ARID4A: variants seen among roughly 807,000 people sequenced by gnomAD.
ARID4A encodes the protein AT-rich interactive domain-containing protein 4A.
In ARID4A, 39 loss-of-function variants were observed where a neutral mutation model predicts 148.6. The observed-to-expected ratio is 0.26, with a 90% confidence interval of 0.20 to 0.34. ARID4A has a LOEUF of 0.34. Ranked by LOEUF, ARID4A falls within the 10% of genes least tolerant of loss-of-function variation. The pLI, the probability that ARID4A is intolerant of heterozygous loss-of-function variation, is 1.00. For missense variants in ARID4A, 1,265 were observed against 1,449.1 expected, an observed-to-expected ratio of 0.87 and a Z score of 2.06; for synonymous variants, 475 against 481.2, an observed-to-expected ratio of 0.99 and a Z score of 0.17.
intron 16 of ARID4A, chr14:58,351,571 A>T: frequency 3.0e-6 from 1 of 336,188 alleles, no homozygotes; most frequent in Non-Finnish European, 5.4e-6. Context: ...TGCGCCACCC[A>T]GTCAAAAGAA....
chr14:58,321,166 G>C (rs1490536008), intron 7 of ARID4A, among the ~76,000 whole-genome samples: 2 of 152,152 alleles, frequency 1.3e-5, no homozygotes, highest in Non-Finnish European at 2.9e-5. Context: ...TGTAAAATCT[G>C]TGTGGAGATA....
At chr14:58,347,234 A>G in intron 14 of ARID4A, 117 bp downstream of exon 14, 1 of 546,242 alleles carries the variant, frequency 1.8e-6, no homozygotes, top group Non-Finnish European at 2.9e-6. Flanking sequence ...AGTATATAAA[A>G]AGGTTTAGGT....
At chr14:58,361,243 AT>A (rs562275733) in intron 19 of ARID4A, 12,580 of 342,666 alleles carry the variant, frequency 0.037, 85 homozygotes, top group African/African-American at 0.066. Flanking sequence ...TTGGTTTTTG[AT>A]TTTTTTTTTT....
At chr14:58,333,354 CATTT>C (rs10547379) in intron 11 of ARID4A, among the ~76,000 whole-genome samples, 2,291 of 152,016 alleles carry the variant, frequency 0.015, 57 homozygotes, top group African/African-American at 0.053. Flanking sequence ...ATCAATTATT[CATTT>C]ATTCCTGATT....
intron 5 of ARID4A, among the ~76,000 whole-genome samples, chr14:58,311,130 C>T (rs1231652814): frequency 6.6e-6 from 1 of 152,066 alleles, no homozygotes; most frequent in African/African-American, 2.4e-5. Context: ...CCTGTAATCC[C>T]AGCTACTTGG....
chr14:58,330,092 A>G lies in ARID4A; in HGVS notation c.829A>G (p.Ser277Gly). Residue 277 changes from serine (S) to glycine (G), a missense_variant, in exon 11 of 24, where the codon AGT (serine) becomes GGT (glycine). Ser to Gly is a moderately conservative substitution (Grantham distance 56). This residue lies in a region of ARID4A where 249 missense variants were observed against 277.2 expected (regional missense o/e 0.90). Transcript: ENST00000355431. Reference protein sequence around the residue: ...DISEILESSSSDDEDGPAEEN... With the variant: ...DISEILESSSGDDEDGPAEEN... Reference sequence around the variant, plus strand: ...AAGTGAAATCCTTGAGTCATCCAGTAGTGATGATGAAGATGGCCCAGCTGA... The same window carrying G: ...AAGTGAAATCCTTGAGTCATCCAGTGGTGATGATGAAGATGGCCCAGCTGA... 6.2e-7 allele frequency: 1 copy of G among 1,613,640 alleles called. No homozygotes were observed. The highest frequency in any genetic ancestry group is 1.1e-5 in the South Asian group (1 of 90,980).
intron 8 of ARID4A, among the ~76,000 whole-genome samples, chr14:58,326,835 T>TC (rs2033242185): frequency 1.3e-5 from 2 of 152,212 alleles, no homozygotes; most frequent in Non-Finnish European, 2.9e-5. Context: ...AGGTGAAATC[T>TC]TCCTCCTTGA....
rs190963641 is a variant in ARID4A, at chr14:58,315,534, G to A, written c.275-3008G>A. Among the ~76,000 whole-genome samples, 334 of 152,260 alleles carry A rather than the reference G, an allele frequency of 2.2e-3. 1 individual carries two copies. Among genetic ancestry groups the A allele is most frequent in the African/African-American group, 7.9e-3 (328 of 41,552 alleles). On this transcript the variant is annotated intron_variant, in intron 5 of 23. Coordinates refer to ENST00000355431, the MANE Select transcript of ARID4A (RefSeq NM_002892.4). ...TTTTCATACCTCCATTTAAATGTGT[G>A]TGTGTGTCTAGTATCGTCATCTTTG...
chr14:58,304,909 G>A (rs1187682795), intron 3 of ARID4A, 35 bp from the exon 4 acceptor site: 1 of 1,541,326 alleles, frequency 6.5e-7, no homozygotes, highest in Non-Finnish European at 8.9e-7. Context: ...TGTTTTAAAA[G>A]TAATATGCAA....
At chr14:58,333,748 T>C (rs1371823537) in intron 11 of ARID4A, among the ~76,000 whole-genome samples, 1 of 152,164 alleles carries the variant, frequency 6.6e-6, no homozygotes, top group Non-Finnish European at 1.5e-5. Context: ...TTATGCCTTG[T>C]AGATTGTAAA....
rs1237743643 is a variant in ARID4A, at chr14:58,364,652, T to C, written c.2563T>C (p.Leu855=). 1 of 1,613,854 alleles carries C rather than the reference T, an allele frequency of 6.2e-7. No individual in the cohort carries two copies. Among genetic ancestry groups the C allele is most frequent in the Non-Finnish European group, 8.5e-7 (1 of 1,179,940 alleles). ...EIDQCVKEKK[L]KRKILGQSSP... is the part of the protein sequence containing the mutation. Reference sequence around the variant, plus strand: ...TGACCAATGTGTGAAAGAAAAGAAGTTGAAACGGAAAATACTAGGACAATC... The same window carrying C: ...TGACCAATGTGTGAAAGAAAAGAAGCTGAAACGGAAAATACTAGGACAATC... The change falls in exon 20 of 24, where the codon TTG becomes CTG. Residue 855 remains leucine (L), a synonymous_variant. Coordinates refer to ENST00000355431, the MANE Select transcript of ARID4A (RefSeq NM_002892.4).
At chr14:58,360,796 TA>T in intron 18 of ARID4A, 104 bp from the exon 19 acceptor site, 1 of 1,226,082 alleles carries the variant, frequency 8.2e-7, no homozygotes, top group Non-Finnish European at 1.1e-6. Flanking sequence ...AAGTGACATA[TA>T]AAATATCAAA....
At chr14:58,359,084 A>G in intron 17 of ARID4A, 48 bp from the exon 18 acceptor site, 1 of 1,524,740 alleles carries the variant, frequency 6.6e-7, no homozygotes. Context: ...AAAAGGTTAT[A>G]ATGTATAAAG....
intron 8 of ARID4A, among the ~76,000 whole-genome samples, chr14:58,327,908 A>G (rs1566687166): frequency 6.6e-6 from 1 of 152,122 alleles, no homozygotes; most frequent in Non-Finnish European, 1.5e-5. Context: ...CCTGAGCTCA[A>G]GCCATTTGTC....
chr14:58,342,912 T>TAA (rs748069081), intron 11 of ARID4A, among the ~76,000 whole-genome samples: 3 of 145,694 alleles, frequency 2.1e-5, no homozygotes, highest in Admixed American at 6.9e-5. Context: ...ACTCTGTCTT[T>TAA]AAAAAAAAAA....
rs146520571 is a variant in ARID4A, at chr14:58,372,692, T to A, written c.*703T>A. 2.9e-4 allele frequency: 54 copies of A among 187,362 alleles called. 1 individual carries two copies. The East Asian group carries it at 4.6e-3, about 16-fold the overall frequency. 11.6% of individuals were successfully genotyped at this position (187,362 alleles called of 1,614,324 possible). ...GTGAATAAGTTTTCAGTGGACTATC[T>A]TATCCCTTGACAAAAATATTTTGTC... On this transcript the variant is annotated 3_prime_UTR_variant, in exon 24 of 24. Coordinates refer to ENST00000355431, the MANE Select transcript of ARID4A (RefSeq NM_002892.4).
chr14:58,335,382 C>T lies in ARID4A; in HGVS notation c.906+5213C>T, dbSNP rs182693319. On this transcript the variant is annotated intron_variant, in intron 11 of 23. Transcript: ENST00000355431. ...AGGCTGGAGTGCAATGGCGTGATCT[C>T]GGCTCACCACAACCTCCGCCTCCTG... Among the ~76,000 whole-genome samples the T allele has an allele frequency of 7.1e-4, 106 of 149,734 alleles. 1 individual carries two copies. Among genetic ancestry groups the T allele is most frequent in the Middle Eastern group, 6.9e-3 (2 of 290 alleles).
intron 19 of ARID4A, among the ~76,000 whole-genome samples, chr14:58,363,871 C>CT (rs1438211893): frequency 1.3e-5 from 2 of 151,984 alleles, no homozygotes; most frequent in African/African-American, 2.4e-5. Flanking sequence ...ATCTTTTGAT[C>CT]TTTTTTAAGG....
At chr14:58,354,380 T>G (rs754738830) in intron 17 of ARID4A, among the ~76,000 whole-genome samples, 10 of 152,020 alleles carry the variant, frequency 6.6e-5, no homozygotes, top group Non-Finnish European at 1.2e-4. Context: ...CGTTAGATGA[T>G]TTTGGGGAGG....
Sources: gnomAD v4.1 joint callset for allele counts (sites outside exome capture counted in the v4.1 genomes callset) on GRCh38, gnomAD v4.1.1 for gene constraint, gnomAD v4.1.1 regional missense constraint, MANE v1.5 for transcripts, NCBI Gene and HGNC (gene_info 2026-07-23, HGNC 2026-07-21) for gene names.